ERI1: variants seen among roughly 807,000 people sequenced by gnomAD.
The protein encoded by ERI1 is exoribonuclease 1.
ERI1 carries 39 observed loss-of-function variants against 39.7 expected under a neutral mutation model. That is an observed-to-expected ratio of 0.98 (90% CI 0.76 to 1.28). The LOEUF (loss-of-function observed/expected upper bound fraction) is 1.28. Among genes scored for constraint, ERI1 ranks in the 50% most tolerant of loss-of-function variants. The pLI, the probability that ERI1 is intolerant of heterozygous loss-of-function variation, is 0.00. For missense variants in ERI1, 581 were observed against 416.9 expected, an observed-to-expected ratio of 1.39 and a Z score of -3.43; for synonymous variants, 204 against 149.6, an observed-to-expected ratio of 1.36 and a Z score of -2.65.
chr8:9,073,396 G>C (rs553699540), intron 3 of ERI1, among the ~76,000 whole-genome samples: 1 of 152,186 alleles, frequency 6.6e-6, no homozygotes, highest in African/African-American at 2.4e-5. Context: ...AAGGGTAAGC[G>C]TGAGAGAAGA....
Position 9,003,047 on chromosome 8 carries a change from C to A in ERI1, c.-17C>A. On this transcript the variant is annotated 5_prime_UTR_variant, in exon 1 of 7. In the 5' UTR this introduces an upstream ATG that the reference lacks. Transcript: ENST00000250263. ...AGTGTCCGGCTCCAGCAACTCTCCT[C>A]TGGCGTGACAGCCGGCATGGAGGAT... 8.0e-7 allele frequency: 1 copy of A among 1,242,420 alleles called. No individual in the cohort carries two copies. Among genetic ancestry groups the A allele is most frequent in the Non-Finnish European group, 1.0e-6 (1 of 983,606 alleles). The allele number at this position is 1,242,420 out of a possible 1,614,324, so 77.0% of individuals were successfully genotyped here.
At chr8:9,035,825 A>G (rs576522201), downstream of ERI1, among the ~76,000 whole-genome samples, 6 of 152,354 alleles carry the variant, frequency 3.9e-5, no homozygotes, top group South Asian at 1.2e-3. Context: ...TCTGGAAAGG[A>G]TTCACCATTC....
intron 6 of ERI1, among the ~76,000 whole-genome samples, chr8:9,021,907 G>A (rs1817950047): frequency 6.6e-6 from 1 of 150,898 alleles, no homozygotes; most frequent in South Asian, 2.1e-4. Context: ...ACTTTGGCTG[G>A]CCATTTGGAT....
chr8:9,059,881 A>G (rs894527842), intron 3 of ERI1, among the ~76,000 whole-genome samples: 2 of 152,128 alleles, frequency 1.3e-5, no homozygotes, highest in African/African-American at 2.4e-5. Flanking sequence ...AGGGATGACA[A>G]GTTTTCTGGG....
chr8:9,061,930 C>G (rs531569246), intron 3 of ERI1, among the ~76,000 whole-genome samples: 2 of 151,796 alleles, frequency 1.3e-5, no homozygotes, highest in African/African-American at 2.4e-5. Flanking sequence ...TGTTTGAGAT[C>G]CAGAACAGAA....
At chr8:9,007,722 C>T (rs1276475193) in intron 1 of ERI1, among the ~76,000 whole-genome samples, 2 of 152,092 alleles carry the variant, frequency 1.3e-5, no homozygotes, top group Admixed American at 1.3e-4. Context: ...CACCAGTCTT[C>T]TTTTTACTTA....
chr8:9,034,954 T>C (rs1182777881), downstream of ERI1, among the ~76,000 whole-genome samples: 2 of 152,198 alleles, frequency 1.3e-5, no homozygotes, highest in Non-Finnish European at 2.9e-5. Context: ...GTTTTAGTGG[T>C]GTGGATAAAA....
intron 3 of ERI1, among the ~76,000 whole-genome samples, chr8:9,086,246 T>C (rs949455408): frequency 8.5e-5 from 13 of 152,106 alleles, no homozygotes; most frequent in African/African-American, 2.4e-4. Context: ...AGACCACCAA[T>C]GCTACAAAAA....
chr8:9,065,051 A>G (rs1039519429), intron 3 of ERI1, among the ~76,000 whole-genome samples: 2 of 152,086 alleles, frequency 1.3e-5, no homozygotes, highest in African/African-American at 4.8e-5. Flanking sequence ...TTCACAAGAT[A>G]ATGTCATCAG....
chr8:9,051,043 A>T (rs1798339985), intron 3 of ERI1, among the ~76,000 whole-genome samples: 1 of 152,124 alleles, frequency 6.6e-6, no homozygotes, highest in Non-Finnish European at 1.5e-5. Flanking sequence ...ATGATAGCAG[A>T]AAGAATTAGC....
chr8:9,097,561 C>T (rs1479881645), intron 3 of ERI1, among the ~76,000 whole-genome samples: 1 of 150,808 alleles, frequency 6.6e-6, no homozygotes, highest in Non-Finnish European at 1.5e-5. Flanking sequence ...CCCAGCTACG[C>T]AGGAGGCTGA....
chr8:9,033,412 C>G (rs902084878), downstream of ERI1: 1 of 140,512 alleles, frequency 7.1e-6, no homozygotes, highest in Non-Finnish European at 1.5e-5. Flanking sequence ...ATAGCTGCAT[C>G]AGTGGCACCA....
At chr8:9,087,207 C>A (rs1378550455) in intron 3 of ERI1, among the ~76,000 whole-genome samples, 1 of 151,624 alleles carries the variant, frequency 6.6e-6, no homozygotes, top group Non-Finnish European at 1.5e-5. Context: ...CCTTGCCCCC[C>A]ACCTTCATCT....
At chr8:9,050,440 G>A (rs2044387) in intron 3 of ERI1, among the ~76,000 whole-genome samples, 57,313 of 151,118 alleles carry the variant, frequency 0.38, 12,913 homozygotes, top group East Asian at 0.69. Flanking sequence ...CTAGGAAGTC[G>A]ATGTTGCAGT....
rs150505422 is a variant in ERI1, at chr8:9,016,329, C to T, written c.506C>T (p.Thr169Met). 8.1e-6 allele frequency: 13 copies of T among 1,597,726 alleles called. No homozygotes were observed. Among genetic ancestry groups the T allele is most frequent in the African/African-American group, 1.3e-5 (1 of 74,138 alleles). ...GCTATCCTTCCCTTGCAGGAAGACACGTTTCAGCAGTATGTAAGACCAGAG... is the reference window on the plus strand; with the variant it reads ...GCTATCCTTCCCTTGCAGGAAGACATGTTTCAGCAGTATGTAAGACCAGAG... ...LNTHTLEIED[T>M]FQQYVRPEIN... The change falls in exon 4 of 7, where the codon ACG (threonine) becomes ATG (methionine). Residue 169 changes from threonine to methionine, a missense_variant. Physicochemically the swap from Thr to Met is moderately conservative, Grantham distance 81. Coordinates refer to ENST00000250263, the MANE Select transcript of ERI1 (RefSeq NM_153332.4).
chr8:9,079,210 T>C (rs1799298799), intron 3 of ERI1, among the ~76,000 whole-genome samples: 1 of 152,104 alleles, frequency 6.6e-6, no homozygotes, highest in Non-Finnish European at 1.5e-5. Flanking sequence ...CAGCAGGCCT[T>C]TGGTAAAAGG....
intron 3 of ERI1, among the ~76,000 whole-genome samples, chr8:9,040,732 G>A (rs117787291): frequency 1.3e-5 from 2 of 149,676 alleles, no homozygotes; most frequent in Non-Finnish European, 3.0e-5. Flanking sequence ...GTGTGTGTGG[G>A]GGGGGGGTGT....
intron 3 of ERI1, among the ~76,000 whole-genome samples, chr8:9,083,461 A>AT (rs1333537966): frequency 3.3e-5 from 5 of 152,124 alleles, no homozygotes; most frequent in Non-Finnish European, 7.4e-5. Context: ...TTATCTCTTT[A>AT]TTAAGGAAAA....
intron 3 of ERI1, among the ~76,000 whole-genome samples, chr8:9,076,116 T>C (rs866650545): frequency 6.6e-6 from 1 of 152,166 alleles, no homozygotes; most frequent in Non-Finnish European, 1.5e-5. Context: ...TTTGCTGCTG[T>C]TGTTGTTTTG....
Sources: allele counts gnomAD v4.1 joint callset (sites outside exome capture counted in the v4.1 genomes callset), GRCh38; gene constraint gnomAD v4.1.1; transcripts MANE v1.5; gene names NCBI Gene and HGNC (gene_info 2026-07-23, HGNC 2026-07-21).